ZNF385B: variants seen among roughly 807,000 people sequenced by gnomAD.
The protein encoded by ZNF385B is zinc finger protein 533.
Under a neutral mutation model 39.2 loss-of-function variants are expected in ZNF385B, and 23 were observed. The ratio of observed to expected loss-of-function variants is 0.59; its 90% CI spans 0.42 to 0.83. The LOEUF is 0.83. Among genes scored for constraint, ZNF385B ranks in the 40% least tolerant of loss-of-function variants. ZNF385B has a pLI of 0.00. For missense variants in ZNF385B, 552 were observed against 598.9 expected, an observed-to-expected ratio of 0.92 and a Z score of 0.82; for synonymous variants, 205 against 222.6, an observed-to-expected ratio of 0.92 and a Z score of 0.70.
At chr2:179,743,467 AG>A in intron 3 of ZNF385B, among the ~76,000 whole-genome samples, 1 of 152,230 alleles carries the variant, frequency 6.6e-6, no homozygotes, top group Admixed American at 6.5e-5. Context: ...ATAATTAACA[AG>A]AAAAAAATCA....
chr2:179,586,249 GC>G lies in ZNF385B; in HGVS notation c.299-41281del, dbSNP rs199613661. Among the ~76,000 whole-genome samples, 1,432 of 152,180 alleles carry G rather than the reference GC, an allele frequency of 9.4e-3. 16 individuals carry two copies. Among genetic ancestry groups the G allele is most frequent in the African/African-American group, 0.033 (1,369 of 41,496 alleles). On this transcript the variant is annotated intron_variant, in intron 3 of 9. Coordinates refer to ENST00000410066, the MANE Select transcript of ZNF385B (RefSeq NM_152520.6). ...TAGGATTGACAACTTTTCTTTTGGTGCCCCCAATGTACATAGTACAAATTTA... is the reference window on the plus strand; with the variant it reads ...TAGGATTGACAACTTTTCTTTTGGTGCCCCAATGTACATAGTACAAATTTA...
intron 1 of ZNF385B, among the ~76,000 whole-genome samples, chr2:179,811,380 G>C (rs886359349): frequency 5.9e-5 from 9 of 152,104 alleles, no homozygotes; most frequent in Non-Finnish European, 1.2e-4. Flanking sequence ...CAAAGTCATA[G>C]ATATTGCATT....
intron 3 of ZNF385B, among the ~76,000 whole-genome samples, chr2:179,569,601 G>A (rs1405649783): frequency 1.3e-5 from 2 of 152,166 alleles, no homozygotes; most frequent in African/African-American, 2.4e-5. Flanking sequence ...GTATTTGTGA[G>A]CATATTCCCA....
chr2:179,799,438 T>G (rs1705890479), intron 1 of ZNF385B, among the ~76,000 whole-genome samples: 1 of 152,104 alleles, frequency 6.6e-6, no homozygotes, highest in Non-Finnish European at 1.5e-5. Context: ...TTTAGGCATC[T>G]GCAGGAACAA....
chr2:179,512,700 G>T (rs2057772041), intron 5 of ZNF385B, among the ~76,000 whole-genome samples: 1 of 152,108 alleles, frequency 6.6e-6, no homozygotes, highest in Non-Finnish European at 1.5e-5. Flanking sequence ...TTAGAAAAAA[G>T]GTGGTCAAGA....
At chr2:179,757,227 A>C (rs143858448) in intron 3 of ZNF385B, among the ~76,000 whole-genome samples, 243 of 136,222 alleles carry the variant, frequency 1.8e-3, no homozygotes, top group South Asian at 3.3e-3. Flanking sequence ...CTGGAGGTCC[A>C]CTCCAGACCC....
At chr2:179,761,329 T>G (rs932677781) in intron 3 of ZNF385B, among the ~76,000 whole-genome samples, 1 of 152,216 alleles carries the variant, frequency 6.6e-6, no homozygotes, top group African/African-American at 2.4e-5. Flanking sequence ...TAGATCAGTT[T>G]AAGGAGAACT....
intron 4 of ZNF385B, among the ~76,000 whole-genome samples, chr2:179,535,383 A>C (rs2059497144): frequency 6.6e-6 from 1 of 152,214 alleles, no homozygotes; most frequent in Non-Finnish European, 1.5e-5. Context: ...ATAACCTGAG[A>C]GAAGTACACA....
At chr2:179,844,948 T>C (rs997866114) in intron 1 of ZNF385B, among the ~76,000 whole-genome samples, 1 of 152,046 alleles carries the variant, frequency 6.6e-6, no homozygotes, top group African/African-American at 2.4e-5. Flanking sequence ...CCATTGTCTT[T>C]CTTTGTAACC....
chr2:179,791,992 C>A (rs1705355873), intron 1 of ZNF385B, among the ~76,000 whole-genome samples: 1 of 152,250 alleles, frequency 6.6e-6, no homozygotes, highest in Middle Eastern at 3.4e-3. Context: ...AAACTCCTGA[C>A]CTCAAGTGAC....
intron 3 of ZNF385B, among the ~76,000 whole-genome samples, chr2:179,732,503 T>C (rs1701460042): frequency 6.6e-6 from 1 of 152,128 alleles, no homozygotes; most frequent in Non-Finnish European, 1.5e-5. Flanking sequence ...AGAAGGAAAA[T>C]AGCTAGATAA....
At chr2:179,697,620 A>G (rs1698867641) in intron 3 of ZNF385B, among the ~76,000 whole-genome samples, 1 of 152,218 alleles carries the variant, frequency 6.6e-6, no homozygotes, top group African/African-American at 2.4e-5. Context: ...TCCACAGTCC[A>G]ACTGGAGATT....
rs193054918 is a variant in ZNF385B at position 179,625,724 on chromosome 2, C to T, written c.299-80755G>A. Among the ~76,000 whole-genome samples, 785 of 152,046 alleles carry T rather than the reference C, an allele frequency of 5.2e-3. 3 individuals carry two copies. The highest frequency in any genetic ancestry group is 7.3e-3 in the Non-Finnish European group (495 of 67,966). ...GATAATAGGGCTGGTACAAGGAAAA[C>T]GATATCATAACTATGTTATACTAAA... On this transcript the variant is annotated intron_variant, in intron 3 of 9. Coordinates refer to ENST00000410066, the MANE Select transcript of ZNF385B (RefSeq NM_152520.6).
At chr2:179,650,444 G>A (rs879588788) in intron 3 of ZNF385B, among the ~76,000 whole-genome samples, 4 of 152,192 alleles carry the variant, frequency 2.6e-5, no homozygotes, top group Admixed American at 2.6e-4. Context: ...GTATGTATGA[G>A]AGAAAGTGAC....
intron 5 of ZNF385B, among the ~76,000 whole-genome samples, chr2:179,495,876 A>C (rs1203893645): frequency 1.3e-5 from 2 of 152,150 alleles, no homozygotes; most frequent in African/African-American, 4.8e-5. Flanking sequence ...CCTTCCCAAG[A>C]AGGACGGCTA....
intron 3 of ZNF385B, among the ~76,000 whole-genome samples, chr2:179,620,739 A>T (rs576711655): frequency 1.3e-5 from 2 of 152,332 alleles, no homozygotes; most frequent in South Asian, 2.1e-4. Context: ...TTCAATATGC[A>T]TACCAATTAT....
At chr2:179,526,104 C>G (rs959976588) in intron 4 of ZNF385B, among the ~76,000 whole-genome samples, 2 of 140,312 alleles carry the variant, frequency 1.4e-5, no homozygotes, top group Non-Finnish European at 3.0e-5. Context: ...GTGGCTCAGT[C>G]TGGGTCACTG....
intron 1 of ZNF385B, among the ~76,000 whole-genome samples, chr2:179,817,074 A>G (rs1293582757): frequency 6.6e-6 from 1 of 152,208 alleles, no homozygotes; most frequent in Non-Finnish European, 1.5e-5. Flanking sequence ...AAGAAGGACA[A>G]ATATCTGTCC....
At chr2:179,731,493 C>T (rs1173750366) in intron 3 of ZNF385B, among the ~76,000 whole-genome samples, 1 of 152,234 alleles carries the variant, frequency 6.6e-6, no homozygotes, top group Non-Finnish European at 1.5e-5. Flanking sequence ...AGCACCTGCA[C>T]TGCAGAGCGC....
Sources: allele counts gnomAD v4.1 joint callset (sites outside exome capture counted in the v4.1 genomes callset), GRCh38; gene constraint gnomAD v4.1.1; transcripts MANE v1.5; gene names NCBI Gene and HGNC (gene_info 2026-07-23, HGNC 2026-07-21).